TNPO1: variants seen among roughly 807,000 people sequenced by gnomAD.
TNPO1 encodes the protein transportin 1.
TNPO1 carries 8 observed loss-of-function variants against 119.5 expected under a neutral mutation model. The ratio of observed to expected loss-of-function variants is 0.07; its 90% CI spans 0.04 to 0.12. The LOEUF is 0.12. Ranked by LOEUF, TNPO1 falls within the 10% of genes least tolerant of loss-of-function variation. The pLI is 1.00. For synonymous variants in TNPO1, 362 were observed against 363.0 expected (o/e 1.00, Z 0.03); for missense variants, 576 against 1,089.8 (o/e 0.53, Z 6.64).
chr5:72,902,233 CGA>C (rs1352307697), intron 22 of TNPO1, among the ~76,000 whole-genome samples: 1 of 152,076 alleles, frequency 6.6e-6, no homozygotes, highest in Admixed American at 6.5e-5. Flanking sequence ...CTTTCCACTC[CGA>C]GAGGGGTGTT....
chr5:72,817,737 C>T (rs878993531), intron 1 of TNPO1, among the ~76,000 whole-genome samples: 1 of 152,128 alleles, frequency 6.6e-6, no homozygotes, highest in Non-Finnish European at 1.5e-5. Context: ...TTTAAAATTG[C>T]AAGATGTATG....
Position 72,848,511 on chromosome 5 carries a change from AG to A in TNPO1, c.129+15del. The stretch of plus-strand genomic sequence containing the variant: ...AACCGTGCAACAAGTATCCTTTCCG[AG>A]GCCTGGCCGCCACCCGCGCAGCTCG... On this transcript the variant is annotated intron_variant, in intron 2 of 24. Transcript: ENST00000337273. The A allele has an allele frequency of 2.0e-6, 3 of 1,513,928 alleles. No individual in the cohort carries two copies. The highest frequency in any genetic ancestry group is 2.7e-6 in the Non-Finnish European group (3 of 1,124,702). The allele number at this position is 1,513,928 out of a possible 1,614,324, so 93.8% of individuals were successfully genotyped here.
chr5:72,865,065 G>A (rs1356932529), intron 5 of TNPO1, among the ~76,000 whole-genome samples: 3 of 152,130 alleles, frequency 2.0e-5, no homozygotes, highest in Admixed American at 6.5e-5. Context: ...CCACTTCTAA[G>A]TCATTTAATG....
chr5:72,871,584 G>A (rs1388649986), intron 6 of TNPO1, among the ~76,000 whole-genome samples: 1 of 152,188 alleles, frequency 6.6e-6, no homozygotes, highest in Non-Finnish European at 1.5e-5. Flanking sequence ...GGGATAGACA[G>A]TGATTCAGAG....
chr5:72,898,534 C>CA lies in TNPO1; in HGVS notation c.2338+1389dup, dbSNP rs557302399. Among the ~76,000 whole-genome samples the CA allele has an allele frequency of 2.9e-3, 445 of 152,060 alleles. 3 individuals carry two copies. Among genetic ancestry groups the CA allele is most frequent in the Non-Finnish European group, 4.5e-3 (303 of 67,884 alleles). On this transcript the variant is annotated intron_variant, in intron 20 of 24. Transcript: ENST00000337273. ...AGTATTGTTTTCTTTATTTCTTACC[C>CA]AAAAAAGTGGGGTTTTTTAATTATT...
At chr5:72,886,975 G>T (rs914690150) in intron 11 of TNPO1, 95 bp from the exon 12 acceptor site, 7 of 1,111,898 alleles carry the variant, frequency 6.3e-6, no homozygotes, top group Non-Finnish European at 8.4e-6. Context: ...TTAAAACTCC[G>T]TATTAGAGAT....
At chr5:72,897,564 G>A (rs1313922941) in intron 20 of TNPO1, among the ~76,000 whole-genome samples, 1 of 150,084 alleles carries the variant, frequency 6.7e-6, no homozygotes, top group Non-Finnish European at 1.5e-5. Context: ...TTTGTAGTTT[G>A]TATTTCATCA....
chr5:72,896,416 G>A (rs912848584), intron 18 of TNPO1, 42 bp from the exon 19 acceptor site: 1 of 1,372,650 alleles, frequency 7.3e-7, no homozygotes, highest in Admixed American at 1.7e-5. Flanking sequence ...ACAATATACT[G>A]CTATTGAAAA....
chr5:72,821,426 A>G (rs537666798), intron 1 of TNPO1, among the ~76,000 whole-genome samples: 40 of 152,356 alleles, frequency 2.6e-4, no homozygotes, highest in African/African-American at 9.6e-4. Flanking sequence ...ATTATTAGGA[A>G]TAGGTGGTAT....
At chr5:72,885,514 G>A (rs1055411155) in intron 11 of TNPO1, among the ~76,000 whole-genome samples, 2 of 152,216 alleles carry the variant, frequency 1.3e-5, no homozygotes, top group East Asian at 3.8e-4. Context: ...TTTTAGAGGA[G>A]AAGCCAGTTT....
At chr5:72,835,510 T>C (rs1744660411) in intron 1 of TNPO1, among the ~76,000 whole-genome samples, 1 of 152,174 alleles carries the variant, frequency 6.6e-6, no homozygotes, top group Non-Finnish European at 1.5e-5. Flanking sequence ...TGCCCTCACA[T>C]GGTGGAAGGG....
intron 4 of TNPO1, among the ~76,000 whole-genome samples, chr5:72,861,500 C>T (rs1746444973): frequency 6.6e-6 from 1 of 152,134 alleles, no homozygotes; most frequent in African/African-American, 2.4e-5. Flanking sequence ...CTCCTTGACT[C>T]AGGTGATCCT....
At chr5:72,825,429 C>T (rs1041190427) in intron 1 of TNPO1, among the ~76,000 whole-genome samples, 3 of 152,028 alleles carry the variant, frequency 2.0e-5, no homozygotes, top group African/African-American at 4.8e-5. Context: ...GGCTTATGTC[C>T]GTAATCCCAG....
chr5:72,828,863 A>G (rs573605129), intron 1 of TNPO1, among the ~76,000 whole-genome samples: 6 of 152,266 alleles, frequency 3.9e-5, no homozygotes, highest in Non-Finnish European at 5.9e-5. Flanking sequence ...GTGTATTATA[A>G]CTCTTCATAA....
intron 8 of TNPO1, 87 bp from the exon 9 acceptor site, chr5:72,877,141 G>A (rs1430531007): frequency 4.5e-6 from 3 of 662,988 alleles, no homozygotes; most frequent in Admixed American, 2.7e-5. Flanking sequence ...AAACCATAAG[G>A]TCAAAAGCTT....
chr5:72,896,536 G>C lies in TNPO1; in HGVS notation c.2222G>C (p.Gly741Ala). Residue 741 changes from glycine to alanine, a missense_variant, in exon 19 of 25, where the codon GGA becomes GCA. Physicochemically the swap from Gly to Ala is moderately conservative, Grantham distance 60. Transcript: ENST00000337273. ...SVCNNATWAI[G>A]EISIQMGIEM... Reference sequence around the variant, plus strand: ...TGCAACAATGCCACATGGGCAATTGGAGAAATCTCCATTCAAATGGGTAAG... The same window carrying C: ...TGCAACAATGCCACATGGGCAATTGCAGAAATCTCCATTCAAATGGGTAAG... 1 of 1,611,524 alleles carries C rather than the reference G, an allele frequency of 6.2e-7. No homozygotes were observed. The highest frequency in any genetic ancestry group is 8.5e-7 in the Non-Finnish European group (1 of 1,179,546).
At chr5:72,856,783 C>G (rs1009894204) in intron 4 of TNPO1, among the ~76,000 whole-genome samples, 1 of 152,152 alleles carries the variant, frequency 6.6e-6, no homozygotes, top group Non-Finnish European at 1.5e-5. Context: ...ACTGAATTAA[C>G]ATGCTTAATT....
At chr5:72,864,348 C>T (rs958919453) in intron 5 of TNPO1, among the ~76,000 whole-genome samples, 3 of 152,094 alleles carry the variant, frequency 2.0e-5, no homozygotes, top group African/African-American at 7.2e-5. Flanking sequence ...TTCTGTTGGA[C>T]ACTTTAAAAC....
chr5:72,871,056 G>A (rs192670905), intron 6 of TNPO1, among the ~76,000 whole-genome samples: 22 of 152,004 alleles, frequency 1.4e-4, no homozygotes, highest in Admixed American at 1.4e-3. Context: ...TGCAACCTCC[G>A]CTGCCCGGGT....
Sources: gnomAD v4.1 joint callset for allele counts (sites outside exome capture counted in the v4.1 genomes callset) on GRCh38, gnomAD v4.1.1 for gene constraint, MANE v1.5 for transcripts, NCBI Gene and HGNC (gene_info 2026-07-23, HGNC 2026-07-21) for gene names.